The following DLGAP2 variants were observed in gnomAD, a reference collection of about 807,000 sequenced individuals.
DLGAP2 encodes the protein disks large-associated protein 2.
In DLGAP2, 26 loss-of-function variants were observed where a neutral mutation model predicts 100.3. That is an observed-to-expected ratio of 0.26 (90% CI 0.19 to 0.36). The LOEUF (loss-of-function observed/expected upper bound fraction) is 0.36. Ranked by LOEUF, DLGAP2 falls within the 10% of genes least tolerant of loss-of-function variation. The pLI is 1.00. For synonymous variants in DLGAP2, 886 were observed against 630.1 expected, an observed-to-expected ratio of 1.41 and a Z score of -6.08; for missense variants, 1,858 against 1,453.2, an observed-to-expected ratio of 1.28 and a Z score of -4.53.
chr8:1,047,319 T>C (rs1008930070), intron 2 of DLGAP2, among the ~76,000 whole-genome samples: 1 of 152,270 alleles, frequency 6.6e-6, no homozygotes, highest in Non-Finnish European at 1.5e-5. Context: ...GTTGAGTATC[T>C]CTTATCCCAA....
chr8:1,698,155 A>G (rs1799451635), intron 14 of DLGAP2, among the ~76,000 whole-genome samples: 1 of 152,212 alleles, frequency 6.6e-6, no homozygotes. Context: ...CCTGGCCACT[A>G]GTGGAGTTCC....
chr8:1,181,305 G>A (rs567834549), intron 2 of DLGAP2, among the ~76,000 whole-genome samples: 7 of 152,346 alleles, frequency 4.6e-5, no homozygotes, highest in South Asian at 4.1e-4. Flanking sequence ...AACGTGTTTC[G>A]TGGTCTGTAG....
intron 1 of DLGAP2, among the ~76,000 whole-genome samples, chr8:776,382 C>T (rs997207512): frequency 2.0e-5 from 3 of 151,936 alleles, no homozygotes; most frequent in East Asian, 3.9e-4. Flanking sequence ...TTATTTCTTG[C>T]CTTCTGCTAG....
At chr8:1,083,967 T>C (rs547931547) in intron 2 of DLGAP2, among the ~76,000 whole-genome samples, 2 of 152,348 alleles carry the variant, frequency 1.3e-5, no homozygotes, top group Non-Finnish European at 2.9e-5. Context: ...TTATATAAAT[T>C]GTGCCTCAAA....
chr8:1,292,633 T>C (rs1298400794), intron 3 of DLGAP2, among the ~76,000 whole-genome samples: 2 of 152,208 alleles, frequency 1.3e-5, no homozygotes, highest in Admixed American at 6.5e-5. Flanking sequence ...ACAACACATA[T>C]TCTGTTACCC....
At chr8:1,131,209 C>G (rs965441422) in intron 2 of DLGAP2, among the ~76,000 whole-genome samples, 1 of 152,088 alleles carries the variant, frequency 6.6e-6, no homozygotes, top group Non-Finnish European at 1.5e-5. Flanking sequence ...CATTAGTAGC[C>G]ACTCAGAGTC....
intron 2 of DLGAP2, among the ~76,000 whole-genome samples, chr8:1,216,768 A>G (rs1478243980): frequency 6.6e-6 from 1 of 152,086 alleles, no homozygotes; most frequent in East Asian, 1.9e-4. Flanking sequence ...TCCCCCACCA[A>G]AAATCTCAGA....
At chr8:1,081,205 G>A (rs532777287) in intron 2 of DLGAP2, among the ~76,000 whole-genome samples, 7 of 152,142 alleles carry the variant, frequency 4.6e-5, no homozygotes, top group Admixed American at 2.6e-4. Context: ...ATATCTCACC[G>A]GGTTAAAGGC....
intron 2 of DLGAP2, among the ~76,000 whole-genome samples, chr8:998,010 G>C (rs10109985): frequency 1.3e-5 from 2 of 149,898 alleles, no homozygotes; most frequent in South Asian, 4.2e-4. Flanking sequence ...AACATGCATA[G>C]ACATGCACAC....
At chr8:1,389,314 G>A (rs1563121513) in intron 3 of DLGAP2, among the ~76,000 whole-genome samples, 3 of 139,796 alleles carry the variant, frequency 2.1e-5, no homozygotes, top group East Asian at 2.2e-4. Flanking sequence ...ATGGGAAGGC[G>A]ACGTGGCTTC....
intron 3 of DLGAP2, among the ~76,000 whole-genome samples, chr8:1,458,428 G>C (rs1373485215): frequency 6.6e-6 from 1 of 152,128 alleles, no homozygotes; most frequent in Non-Finnish European, 1.5e-5. Context: ...ATTGTGTTGA[G>C]TCAGATGAGA....
chr8:799,035 A>G (rs1409495241), intron 1 of DLGAP2, among the ~76,000 whole-genome samples: 11 of 152,212 alleles, frequency 7.2e-5, no homozygotes, highest in African/African-American at 2.7e-4. Flanking sequence ...AGTATGACAC[A>G]TGTTGGGATT....
chr8:915,588 T>C lies in DLGAP2; in HGVS notation c.73+7622T>C, dbSNP rs1171168121. On this transcript the variant is annotated intron_variant, in intron 2 of 14. Transcript: ENST00000637795. ...ACCCATCGCTGGAATGAGACTGTTG[T>C]CAGAGTCTCGGTGGCACCTGCCACA... Among the ~76,000 whole-genome samples the C allele has an allele frequency of 2.0e-5, 3 of 150,892 alleles. No individual in the cohort carries two copies. The East Asian group carries it at 5.8e-4, about 29-fold the overall frequency.
chr8:1,343,255 C>T (rs1275989826), intron 3 of DLGAP2, among the ~76,000 whole-genome samples: 1 of 152,202 alleles, frequency 6.6e-6, no homozygotes, highest in Non-Finnish European at 1.5e-5. Flanking sequence ...GTGCGCAGGG[C>T]AGGGCTCAGG....
chr8:1,274,695 C>CTTTTTTTT (rs145930765), intron 3 of DLGAP2, among the ~76,000 whole-genome samples: 1 of 22,210 alleles, frequency 4.5e-5, no homozygotes. Flanking sequence ...TTTCATTTAT[C>CTTTTTTTT]TTTTTTTTTT....
intron 2 of DLGAP2, among the ~76,000 whole-genome samples, chr8:1,229,061 C>T (rs1426479974): frequency 6.6e-6 from 1 of 152,154 alleles, no homozygotes; most frequent in East Asian, 1.9e-4. Context: ...GAAATAATAA[C>T]TGAATTCAGC....
intron 2 of DLGAP2, among the ~76,000 whole-genome samples, chr8:1,029,161 T>G (rs1184891635): frequency 6.6e-6 from 1 of 152,242 alleles, no homozygotes; most frequent in East Asian, 1.9e-4. Flanking sequence ...GCCTGTGATC[T>G]TGAGTCTAGC....
At chr8:1,023,546 A>G (rs1801688106) in intron 2 of DLGAP2, among the ~76,000 whole-genome samples, 1 of 151,794 alleles carries the variant, frequency 6.6e-6, no homozygotes. Flanking sequence ...AATGAGAATG[A>G]CCTTTGTGTG....
At chr8:1,537,983 CG>C (rs376040528) in intron 4 of DLGAP2, among the ~76,000 whole-genome samples, 7 of 152,022 alleles carry the variant, frequency 4.6e-5, no homozygotes, top group Non-Finnish European at 1.0e-4. Flanking sequence ...GAAGATACTG[CG>C]GGGGGAACAG....
Sources: allele counts gnomAD v4.1 joint callset (sites outside exome capture counted in the v4.1 genomes callset), GRCh38; gene constraint gnomAD v4.1.1; transcripts MANE v1.5; gene names NCBI Gene and HGNC (gene_info 2026-07-23, HGNC 2026-07-21).